Variants in PCDH9 observed in about 807,000 individuals in gnomAD.
The protein encoded by PCDH9 is protocadherin-9.
A neutral mutation model predicts 70.6 loss-of-function variants in PCDH9; 24 were observed. The ratio of observed to expected loss-of-function variants is 0.34; its 90% confidence interval spans 0.25 to 0.48. PCDH9 has a LOEUF of 0.48. Among genes scored for constraint, PCDH9 ranks in the 20% least tolerant of loss-of-function variants. The pLI, the probability that PCDH9 is intolerant of heterozygous loss-of-function variation, is 0.99. For synonymous variants in PCDH9, 562 were observed against 558.5 expected (o/e 1.01, Z -0.09); for missense variants, 1,281 against 1,503.6 (o/e 0.85, Z 2.45).
At chr13:66,712,513 A>G (rs1285147618) in intron 3 of PCDH9, among the ~76,000 whole-genome samples, 2 of 151,934 alleles carry the variant, frequency 1.3e-5, no homozygotes, top group Non-Finnish European at 2.9e-5. Flanking sequence ...GAGAAAATTT[A>G]AAAAAAACTA....
intron 3 of PCDH9, among the ~76,000 whole-genome samples, chr13:66,816,369 C>A (rs2080604904): frequency 6.6e-6 from 1 of 152,102 alleles, no homozygotes; most frequent in African/African-American, 2.4e-5. Flanking sequence ...GGATTATGAT[C>A]AATTGATAAT....
intron 2 of PCDH9, chr13:67,209,864 T>TC (rs1277554343): frequency 1.3e-5 from 2 of 152,080 alleles, no homozygotes; most frequent in African/African-American, 4.8e-5. Flanking sequence ...CTGATTTTCC[T>TC]CCAGCATGAG....
intron 3 of PCDH9, among the ~76,000 whole-genome samples, chr13:66,840,170 T>A (rs562467790): frequency 1.3e-5 from 2 of 152,058 alleles, no homozygotes; most frequent in African/African-American, 4.8e-5. Flanking sequence ...TAAACAATAT[T>A]AAAAAAAATC....
chr13:66,930,943 C>A (rs1456603593), intron 2 of PCDH9, among the ~76,000 whole-genome samples: 1 of 152,094 alleles, frequency 6.6e-6, no homozygotes, highest in African/African-American at 2.4e-5. Flanking sequence ...CTACCAGAAG[C>A]CTTTTAAGGT....
chr13:66,922,682 T>A (rs1276750752), intron 2 of PCDH9, among the ~76,000 whole-genome samples: 3 of 151,496 alleles, frequency 2.0e-5, no homozygotes, highest in Non-Finnish European at 4.4e-5. Flanking sequence ...TGATGATTTA[T>A]AATGCTATCT....
chr13:66,892,350 T>G (rs1160967183), intron 3 of PCDH9, among the ~76,000 whole-genome samples: 1 of 151,462 alleles, frequency 6.6e-6, no homozygotes, highest in African/African-American at 2.4e-5. Flanking sequence ...TATGTTACAA[T>G]TAATAGAATG....
At chr13:66,415,558 A>G (rs1381813924) in intron 4 of PCDH9, among the ~76,000 whole-genome samples, 4 of 152,134 alleles carry the variant, frequency 2.6e-5, no homozygotes, top group Admixed American at 6.6e-5. Context: ...TTGCTACACA[A>G]TGTTCTACCC....
rs189398369 is a variant in PCDH9, at chr13:67,058,977, G to A, written c.3037-155372C>T. ...TAGTAGATAACCACAGCATAAGTTA[G>A]GGCCTTCCAACTGCACCTGACTTCA... On this transcript the variant is annotated intron_variant, in intron 2 of 4. Coordinates refer to ENST00000377865, the MANE Select transcript of PCDH9 (RefSeq NM_203487.3). Among the ~76,000 whole-genome samples, 342 of 152,078 alleles carry A rather than the reference G, an allele frequency of 2.2e-3. 2 individuals are homozygous for A. The highest frequency in any genetic ancestry group is 0.018 in the Admixed American group (276 of 15,230).
chr13:66,678,566 G>A (rs2078275216), intron 3 of PCDH9, among the ~76,000 whole-genome samples: 3 of 151,988 alleles, frequency 2.0e-5, no homozygotes, highest in Admixed American at 2.0e-4. Flanking sequence ...CAGAGTGACT[G>A]AGTAACTAAA....
chr13:66,848,934 A>G, intron 3 of PCDH9, among the ~76,000 whole-genome samples: 1 of 151,012 alleles, frequency 6.6e-6, no homozygotes, highest in Non-Finnish European at 1.5e-5. Flanking sequence ...TCTCAAAAAA[A>G]AAAAAAAAAA....
At chr13:67,212,409 T>C (rs2089486988) in intron 2 of PCDH9, 1 of 152,140 alleles carries the variant, frequency 6.6e-6, no homozygotes, top group African/African-American at 2.4e-5. Flanking sequence ...TAAAATTTAA[T>C]GGAATATTTT....
chr13:66,742,546 G>C (rs1015123600), intron 3 of PCDH9, among the ~76,000 whole-genome samples: 6 of 147,688 alleles, frequency 4.1e-5, no homozygotes, highest in Non-Finnish European at 6.0e-5. Flanking sequence ...TACCATCAGA[G>C]TGAACAGGTA....
rs142345769 is a variant in PCDH9, at chr13:66,934,119, A to T, written c.3037-30514T>A. On this transcript the variant is annotated intron_variant, in intron 2 of 4. Coordinates refer to ENST00000377865, the MANE Select transcript of PCDH9 (RefSeq NM_203487.3). ...TAGACAAGCAAATGGCCCCCACTAAATGTTGCCCAGTGAATCAGCATTGAC... is the reference window on the plus strand; with the variant it reads ...TAGACAAGCAAATGGCCCCCACTAATTGTTGCCCAGTGAATCAGCATTGAC... 1.6e-3 allele frequency among the ~76,000 whole-genome samples: 247 copies of T among 152,226 alleles called. 1 individual carries two copies. Among genetic ancestry groups the T allele is most frequent in the African/African-American group, 5.7e-3 (235 of 41,546 alleles).
At chr13:66,938,541 G>C (rs74762762) in intron 2 of PCDH9, among the ~76,000 whole-genome samples, 1 of 152,078 alleles carries the variant, frequency 6.6e-6, no homozygotes, top group Admixed American at 6.6e-5. Flanking sequence ...AAATCAAAAA[G>C]CAATCTTTAT....
intron 2 of PCDH9, among the ~76,000 whole-genome samples, chr13:66,984,188 C>T (rs2083839841): frequency 6.6e-6 from 1 of 152,060 alleles, no homozygotes; most frequent in Non-Finnish European, 1.5e-5. Context: ...AACCTCTTTA[C>T]TACGTCAGAT....
At chr13:66,409,574 G>T (rs943924330) in intron 4 of PCDH9, among the ~76,000 whole-genome samples, 3 of 135,616 alleles carry the variant, frequency 2.2e-5, no homozygotes, top group Non-Finnish European at 3.3e-5. Context: ...ATCCCTAGGT[G>T]TTCCCTTAAT....
At chr13:67,112,005 C>T (rs1008567159) in intron 2 of PCDH9, among the ~76,000 whole-genome samples, 5 of 152,228 alleles carry the variant, frequency 3.3e-5, no homozygotes, top group Admixed American at 6.5e-5. Flanking sequence ...TATCAGTAAG[C>T]GCATTAGATT....
At chr13:66,807,402 C>T (rs991486215) in intron 3 of PCDH9, among the ~76,000 whole-genome samples, 18 of 152,078 alleles carry the variant, frequency 1.2e-4, no homozygotes, top group Middle Eastern at 3.2e-3. Flanking sequence ...AATAATCAAA[C>T]TCCGGTCCAT....
intron 2 of PCDH9, among the ~76,000 whole-genome samples, chr13:66,947,034 A>G (rs1429047048): frequency 6.6e-6 from 1 of 152,170 alleles, no homozygotes; most frequent in African/African-American, 2.4e-5. Flanking sequence ...AAGCAATTAA[A>G]CTGGATTGAC....
Sources: allele counts gnomAD v4.1 joint callset (sites outside exome capture counted in the v4.1 genomes callset), GRCh38; gene constraint gnomAD v4.1.1; transcripts MANE v1.5; gene names NCBI Gene and HGNC (gene_info 2026-07-23, HGNC 2026-07-21).